Variants in EEF1G observed in about 807,000 individuals in gnomAD.
EEF1G encodes the protein elongation factor 1-gamma.
A neutral mutation model predicts 58.3 loss-of-function variants in EEF1G; 14 were observed. The ratio of observed to expected loss-of-function variants is 0.24; its 90% CI spans 0.16 to 0.38. The LOEUF (loss-of-function observed/expected upper bound fraction) is 0.38, where lower values mean the gene tolerates loss of function less well. EEF1G is among the 10% of genes least tolerant of loss of function. The pLI, the probability that EEF1G is intolerant of heterozygous loss-of-function variation, is 1.00. For missense variants in EEF1G, 322 were observed against 550.1 expected (o/e 0.59, Z 4.15); for synonymous variants, 180 against 206.8 (o/e 0.87, Z 1.11).
chr11:62,572,502 G>A, intron 2 of EEF1G, 82 bp downstream of exon 2: 2 of 1,549,878 alleles, frequency 1.3e-6, no homozygotes, highest in South Asian at 1.2e-5. Flanking sequence ...CCCTTTTAGA[G>A]ATGGGGGCCA....
In EEF1G at chr11:62,567,497, G is replaced by A. The variant is rs1476397110; in HGVS notation, c.554C>T (p.Pro185Leu). 1 of 1,610,644 alleles carries A rather than the reference G, an allele frequency of 6.2e-7. No homozygotes were observed. Among genetic ancestry groups the A allele is most frequent in the Non-Finnish European group, 8.5e-7 (1 of 1,178,358 alleles). The change falls in exon 6 of 10, where the codon CCC becomes CTC. Residue 185 changes from proline to leucine, a missense_variant. Pro to Leu is a moderately conservative substitution (Grantham distance 98, BLOSUM62 -3). Coordinates refer to ENST00000329251, the MANE Select transcript of EEF1G (RefSeq NM_001404.5). The stretch of plus-strand genomic sequence containing the variant: ...GGTGAGGAACCAGCGGTTGGTATTG[G>A]GAAAGGCCTGGCGGAAAGAAGGCTC... ...VLEPSFRQAF[P>L]NTNRWFLTCI...
intron 1 of EEF1G, chr11:62,573,616 C>T: frequency 3.0e-6 from 2 of 671,498 alleles, no homozygotes; most frequent in Non-Finnish European, 5.0e-6. Context: ...TCTCTTTTCT[C>T]CTCTTCCCCA....
At chr11:62,573,804 C>G (rs1380338487) in intron 1 of EEF1G, 27 bp downstream of exon 1, 21 of 1,613,378 alleles carry the variant, frequency 1.3e-5, no homozygotes, top group Non-Finnish European at 1.6e-5. Flanking sequence ...ATAGGATGAC[C>G]CGAACCACCA....
intron 2 of EEF1G, 76 bp downstream of exon 2, chr11:62,572,508 G>T: frequency 6.4e-7 from 1 of 1,563,070 alleles, no homozygotes; most frequent in East Asian, 2.3e-5. Flanking sequence ...TAGAGATGGG[G>T]GCCACCACCA....
Position 62,571,918 on chromosome 11 carries a change from G to C in EEF1G, c.172-17C>G, listed in dbSNP as rs750596151. 29 of 1,563,696 alleles carry C rather than the reference G, an allele frequency of 1.9e-5. No homozygotes were observed. The highest frequency in any genetic ancestry group is 2.6e-6 in the Non-Finnish European group (3 of 1,153,784). On this transcript the variant is annotated splice_polypyrimidine_tract_variant and intron_variant, in intron 2 of 9. Coordinates refer to ENST00000329251, the MANE Select transcript of EEF1G (RefSeq NM_001404.5). ...TGCTGGGACCTGGGGACAAAGCAGT[G>C]AAAAGATAAGGTAAAACACACAAAA...
chr11:62,567,143 G>T, intron 6 of EEF1G, 133 bp from the exon 7 acceptor site: 1 of 1,016,880 alleles, frequency 9.8e-7, no homozygotes, highest in Non-Finnish European at 1.5e-6. Context: ...GCCCCAGACT[G>T]CTCATCAGTT....
chr11:62,573,018 T>C (rs1038124714), intron 1 of EEF1G: 17 of 255,024 alleles, frequency 6.7e-5, no homozygotes, highest in Admixed American at 2.6e-4. Context: ...CAAATCTATC[T>C]CCAAGAAATC....
chr11:62,571,248 G>T lies in EEF1G; in HGVS notation c.379-140C>A. On this transcript the variant is annotated intron_variant, in intron 4 of 9. Coordinates refer to ENST00000329251, the MANE Select transcript of EEF1G (RefSeq NM_001404.5). ...TCTCTTTCAATGGAGGCAGATCCTA[G>T]GGTCATTCTAAATGTATTACAAACA... 5.2e-6 allele frequency: 7 copies of T among 1,355,560 alleles called. No homozygotes were observed. In the Middle Eastern group the frequency reaches 9.1e-4, roughly 176 times the overall value. The allele number at this position is 1,355,560 out of a possible 1,614,324, so 84.0% of individuals were successfully genotyped here.
intron 5 of EEF1G, among the ~76,000 whole-genome samples, chr11:62,569,689 C>T (rs1036257007): frequency 3.3e-5 from 5 of 152,206 alleles, no homozygotes; most frequent in African/African-American, 1.2e-4. Flanking sequence ...CAGAACACAG[C>T]AGTCAGAGTG....
At chr11:62,561,725 G>A (rs1941499617) in intron 7 of EEF1G, among the ~76,000 whole-genome samples, 1 of 149,772 alleles carries the variant, frequency 6.7e-6, no homozygotes, top group South Asian at 2.1e-4. Context: ...ATGTGTGTGT[G>A]CATACATGTG....
chr11:62,565,560 C>T (rs1329579574), intron 7 of EEF1G, among the ~76,000 whole-genome samples: 1 of 151,558 alleles, frequency 6.6e-6, no homozygotes, highest in African/African-American at 2.4e-5. Flanking sequence ...GAGTACTGAC[C>T]TACTATATGT....
At chr11:62,563,685 C>T (rs1941524374) in intron 7 of EEF1G, among the ~76,000 whole-genome samples, 1 of 152,174 alleles carries the variant, frequency 6.6e-6, no homozygotes, top group Non-Finnish European at 1.5e-5. Context: ...ATAAATATTG[C>T]CATGAGTATT....
chr11:62,572,359 C>G (rs1236936604), intron 2 of EEF1G, among the ~76,000 whole-genome samples: 1 of 152,232 alleles, frequency 6.6e-6, no homozygotes, highest in Admixed American at 6.5e-5. Context: ...AACTCATTCT[C>G]TTTCCCACAA....
intron 5 of EEF1G, among the ~76,000 whole-genome samples, chr11:62,568,003 G>A (rs1021768233): frequency 1.3e-5 from 2 of 151,136 alleles, no homozygotes; most frequent in African/African-American, 2.4e-5. Context: ...TCCGAGGCGG[G>A]CGGATCACGA....
chr11:62,570,374 G>C (rs1015029547), intron 5 of EEF1G, among the ~76,000 whole-genome samples: 1 of 152,094 alleles, frequency 6.6e-6, no homozygotes, highest in Non-Finnish European at 1.5e-5. Flanking sequence ...CCTCCAAAAA[G>C]ATCTTAATGC....
chr11:62,561,510 T>TTA (rs1721487500), intron 7 of EEF1G, among the ~76,000 whole-genome samples: 1 of 102,356 alleles, frequency 9.8e-6, no homozygotes, highest in South Asian at 3.4e-4. Flanking sequence ...CTATCTCTAC[T>TTA]AAAAAAAAAA....
At chr11:62,570,895 C>A in intron 5 of EEF1G, 70 bp downstream of exon 5, 1 of 1,601,984 alleles carries the variant, frequency 6.2e-7, no homozygotes, top group Non-Finnish European at 8.5e-7. Flanking sequence ...ACAGGGTAAC[C>A]TAGATACCTC....
intron 4 of EEF1G, 104 bp from the exon 5 acceptor site, chr11:62,571,212 C>T (rs1182956904): frequency 6.6e-7 from 1 of 1,524,438 alleles, no homozygotes. Context: ...GAAGTCTGAG[C>T]TCACCCTCAC....
At chr11:62,567,260 A>G in intron 6 of EEF1G, 139 bp downstream of exon 6, 2 of 1,207,764 alleles carry the variant, frequency 1.7e-6, no homozygotes, top group Non-Finnish European at 2.3e-6. Flanking sequence ...GAAACTGCAC[A>G]TAATATTAGC....
Sources: gnomAD v4.1 joint callset for allele counts (sites outside exome capture counted in the v4.1 genomes callset) on GRCh38, gnomAD v4.1.1 for gene constraint, MANE v1.5 for transcripts, NCBI Gene and HGNC (gene_info 2026-07-23, HGNC 2026-07-21) for gene names.